Variants in CYP7B1 observed in about 807,000 individuals in gnomAD.
CYP7B1 encodes the protein cytochrome P450 7B1.
In CYP7B1, 29 loss-of-function variants were observed where a neutral mutation model predicts 42.7. That is an observed-to-expected ratio of 0.68 (90% CI 0.51 to 0.93). The LOEUF is 0.93. Ranked by LOEUF, CYP7B1 falls within the 40% of genes least tolerant of loss-of-function variation. The pLI, the probability that CYP7B1 is intolerant of heterozygous loss-of-function variation, is 0.00. For synonymous variants in CYP7B1, 235 were observed against 218.2 expected, an observed-to-expected ratio of 1.08 and a Z score of -0.68; for missense variants, 655 against 600.5, an observed-to-expected ratio of 1.09 and a Z score of -0.95.
At chr8:64,721,497 A>G (rs1807235693) in intron 1 of CYP7B1, among the ~76,000 whole-genome samples, 1 of 152,232 alleles carries the variant, frequency 6.6e-6, no homozygotes, top group African/African-American at 2.4e-5. Flanking sequence ...TCTCTCAGGG[A>G]AAACTAAAAT....
intron 1 of CYP7B1, among the ~76,000 whole-genome samples, chr8:64,638,323 G>A (rs531133320): frequency 6.6e-6 from 1 of 152,052 alleles, no homozygotes; most frequent in Non-Finnish European, 1.5e-5. Flanking sequence ...GTGGCTGGAA[G>A]GGAATCTTGT....
intron 5 of CYP7B1, among the ~76,000 whole-genome samples, 169 bp from the exon 6 acceptor site, chr8:64,597,098 A>G (rs1036546931): frequency 6.6e-6 from 1 of 152,204 alleles, no homozygotes; most frequent in African/African-American, 2.4e-5. Context: ...AAAAAACTCA[A>G]ATATTACTAG....
intron 2 of CYP7B1, among the ~76,000 whole-genome samples, chr8:64,617,245 A>G (rs1805462660): frequency 6.6e-6 from 1 of 152,134 alleles, no homozygotes. Context: ...TTTGATTCAG[A>G]AGGCTTGGAG....
chr8:64,708,094 G>C (rs956279413), intron 1 of CYP7B1, among the ~76,000 whole-genome samples: 2 of 152,130 alleles, frequency 1.3e-5, no homozygotes, highest in African/African-American at 2.4e-5. Context: ...TCCTTGCCTG[G>C]TGTTATGTAA....
chr8:64,741,728 T>C lies in CYP7B1; in HGVS notation c.122+56738A>G, dbSNP rs538116498. On this transcript the variant is annotated intron_variant, in intron 1 of 5. Coordinates refer to ENST00000310193, the MANE Select transcript of CYP7B1 (RefSeq NM_004820.5). ...ACCAGCAGTAAAATTGGAGTTTGAA[T>C]TGAAAAGCACAATACCATTTACAGT... is the stretch of plus-strand genomic sequence containing the variant. Among the ~76,000 whole-genome samples, 3 of 152,322 alleles carry C rather than the reference T, an allele frequency of 2.0e-5. No individual in the cohort carries two copies. In the East Asian group the frequency reaches 5.8e-4, roughly 29 times the overall value.
rs1423444049 is a variant in CYP7B1 at position 64,685,757 on chromosome 8, C to T, written c.123-61218G>A. 1.1e-3 allele frequency among the ~76,000 whole-genome samples: 64 copies of T among 59,524 alleles called. 11 individuals carry two copies. The highest frequency in any genetic ancestry group is 3.2e-3 in the African/African-American group (64 of 20,026). 39.1% of individuals were successfully genotyped at this position (59,524 alleles called of 152,430 possible). ...GGAGCGTCTCCGCCCGGCAGCCACC[C>T]CATCCGGGAGGGAGGTGGGGGGGGG... On this transcript the variant is annotated intron_variant, in intron 1 of 5. Transcript: ENST00000310193.
At chr8:64,614,345 C>T (rs1356830392) in intron 4 of CYP7B1, among the ~76,000 whole-genome samples, 22 of 152,106 alleles carry the variant, frequency 1.4e-4, no homozygotes, top group Non-Finnish European at 2.9e-5. Flanking sequence ...GAAATAGTGA[C>T]CATGTATATC....
At chr8:64,712,747 A>G (rs1483942732) in intron 1 of CYP7B1, among the ~76,000 whole-genome samples, 2 of 130,648 alleles carry the variant, frequency 1.5e-5, no homozygotes, top group Admixed American at 8.5e-5. Flanking sequence ...CTCATTATAT[A>G]TGTGTGTGTT....
At chr8:64,609,237 G>A (rs1048837812) in intron 4 of CYP7B1, among the ~76,000 whole-genome samples, 8 of 152,156 alleles carry the variant, frequency 5.3e-5, no homozygotes, top group Non-Finnish European at 7.3e-5. Context: ...GAATGGTTAA[G>A]TCCAATAATT....
intron 1 of CYP7B1, among the ~76,000 whole-genome samples, chr8:64,647,850 C>T (rs141477892): frequency 3.3e-5 from 5 of 152,250 alleles, no homozygotes; most frequent in African/African-American, 1.2e-4. Flanking sequence ...TACAGACACA[C>T]CCAGAAATAA....
intron 1 of CYP7B1, among the ~76,000 whole-genome samples, chr8:64,778,177 A>ATATATATATATATG (rs1491037314): frequency 2.9e-5 from 2 of 68,106 alleles, no homozygotes; most frequent in Non-Finnish European, 6.0e-5. Flanking sequence ...AGTTTGAAAT[A>ATATATATATATATG]TATATATATA....
chr8:64,657,110 CCCTCAGATCAAGCT>C (rs56084055), intron 1 of CYP7B1, among the ~76,000 whole-genome samples: 128,545 of 151,782 alleles, frequency 0.85, 54,678 homozygotes, highest in Middle Eastern at 0.9. Context: ...AGTGTGAGAT[CCCTCAGATCAAGCT>C]CCTCAGATCA....
intron 1 of CYP7B1, among the ~76,000 whole-genome samples, chr8:64,633,097 T>A (rs1805721038): frequency 6.6e-6 from 1 of 152,082 alleles, no homozygotes; most frequent in Non-Finnish European, 1.5e-5. Flanking sequence ...TATGAAGAAA[T>A]AAATTTACAT....
chr8:64,612,975 T>C (rs1805384198), intron 4 of CYP7B1, among the ~76,000 whole-genome samples: 1 of 152,138 alleles, frequency 6.6e-6, no homozygotes, highest in Non-Finnish European at 1.5e-5. Flanking sequence ...CTAATTCACA[T>C]ATAAGTTTGC....
At chr8:64,695,381 G>GGGC (rs1202421522) in intron 1 of CYP7B1, among the ~76,000 whole-genome samples, 2 of 152,136 alleles carry the variant, frequency 1.3e-5, no homozygotes. Flanking sequence ...TGCCTACATT[G>GGGC]GGCGGCGGGC....
chr8:64,796,197 G>C (rs1228250403), intron 1 of CYP7B1, among the ~76,000 whole-genome samples: 1 of 152,058 alleles, frequency 6.6e-6, no homozygotes, highest in Non-Finnish European at 1.5e-5. Context: ...TCTAAGCAAG[G>C]ACATATATCC....
chr8:64,679,865 T>C (rs1806509759), intron 1 of CYP7B1, among the ~76,000 whole-genome samples: 2 of 152,226 alleles, frequency 1.3e-5, no homozygotes, highest in African/African-American at 4.8e-5. Flanking sequence ...TCCTTCTGCC[T>C]CCTTTTATTG....
chr8:64,602,239 G>T (rs1028733725), intron 5 of CYP7B1, among the ~76,000 whole-genome samples: 6 of 152,180 alleles, frequency 3.9e-5, no homozygotes, highest in Non-Finnish European at 8.8e-5. Context: ...AGGCCACAGT[G>T]TGAGCAATGG....
chr8:64,638,094 T>C (rs1805800150), intron 1 of CYP7B1, among the ~76,000 whole-genome samples: 1 of 152,206 alleles, frequency 6.6e-6, no homozygotes, highest in Non-Finnish European at 1.5e-5. Context: ...TTTCTACTCT[T>C]ATTTTTCTAA....
Sources: allele counts gnomAD v4.1 joint callset (sites outside exome capture counted in the v4.1 genomes callset), GRCh38; gene constraint gnomAD v4.1.1; transcripts MANE v1.5; gene names NCBI Gene and HGNC (gene_info 2026-07-23, HGNC 2026-07-21).